Variants in UBLCP1 observed in about 807,000 individuals in gnomAD.
UBLCP1 encodes ubiquitin like domain containing CTD phosphatase 1.
UBLCP1 carries 28 observed loss-of-function variants against 42.4 expected under a neutral mutation model. The ratio of observed to expected loss-of-function variants is 0.66; its 90% CI spans 0.49 to 0.90. UBLCP1 has a LOEUF of 0.90. Among genes scored for constraint, UBLCP1 ranks in the 40% least tolerant of loss-of-function variants. The pLI, the probability that UBLCP1 is intolerant of heterozygous loss-of-function variation, is 0.00. For missense variants in UBLCP1, 279 were observed against 374.5 expected (o/e 0.75, Z 2.10); for synonymous variants, 122 against 120.8 (o/e 1.01, Z -0.07).
chr5:159,275,161 G>C lies in UBLCP1; in HGVS notation c.599G>C (p.Ser200Thr). ...TTGTGTTTATAGGAGCTGGGAGTGA[G>C]CACAAATGCAAATTATAAGATTACT... ...IEAKMKELGVSTNANYKITFM... is the reference protein window; with the variant it reads ...IEAKMKELGVTTNANYKITFM... The change falls in exon 8 of 11, where the codon AGC (serine) becomes ACC (threonine). Residue 200 changes from serine (S) to threonine (T), a missense_variant. Ser to Thr is a moderately conservative substitution (Grantham distance 58). Coordinates refer to ENST00000296786, the MANE Select transcript of UBLCP1 (RefSeq NM_145049.5). 1 of 1,613,008 alleles carries C rather than the reference G, an allele frequency of 6.2e-7. No individual in the cohort carries two copies. Among genetic ancestry groups the C allele is most frequent in the Non-Finnish European group, 8.5e-7 (1 of 1,179,612 alleles).
At chr5:159,284,766 A>G (rs1753649915) in intron 10 of UBLCP1, 138 bp from the exon 11 acceptor site, 2 of 829,624 alleles carry the variant, frequency 2.4e-6, no homozygotes, top group African/African-American at 3.4e-5. Flanking sequence ...GCACATAATC[A>G]GTAGATGTAA....
At chr5:159,283,033 GTTTGTAA>G (rs922832235) in intron 9 of UBLCP1, among the ~76,000 whole-genome samples, 172 bp from the exon 10 acceptor site, 72 of 151,920 alleles carry the variant, frequency 4.7e-4, no homozygotes, top group African/African-American at 1.6e-3. Flanking sequence ...AGGTAGAAGA[GTTTGTAA>G]TTTGTAAACA....
chr5:159,284,218 T>G (rs1292573261), intron 10 of UBLCP1, among the ~76,000 whole-genome samples: 1 of 152,182 alleles, frequency 6.6e-6, no homozygotes, highest in Non-Finnish European at 1.5e-5. Context: ...AGTAAATACT[T>G]AGTGCAGTGC....
At chr5:159,265,846 AT>A (rs533909450) in intron 1 of UBLCP1, among the ~76,000 whole-genome samples, 2 of 151,112 alleles carry the variant, frequency 1.3e-5, no homozygotes, top group Admixed American at 1.3e-4. Context: ...CCTCTGGCTA[AT>A]TTTTTTTTGT....
At chr5:159,266,550 GA>G (rs1753394112) in intron 1 of UBLCP1, among the ~76,000 whole-genome samples, 1 of 152,256 alleles carries the variant, frequency 6.6e-6, no homozygotes, top group Non-Finnish European at 1.5e-5. Context: ...GCTGGCTGCA[GA>G]AATCTGCGTA....
At chr5:159,263,564 T>G (rs1394089486) in intron 1 of UBLCP1, among the ~76,000 whole-genome samples, 1 of 152,244 alleles carries the variant, frequency 6.6e-6, no homozygotes, top group African/African-American at 2.4e-5. Flanking sequence ...CTAGCCTATT[T>G]GGAGGGCTTT....
At position 159,285,418 on chromosome 5, in the gene UBLCP1, T is replaced by C. The variant is rs1753666190; in HGVS notation, c.*487T>C. 6.5e-6 allele frequency: 1 copy of C among 152,770 alleles called. No homozygotes were observed. The highest frequency in any genetic ancestry group is 1.5e-5 in the Non-Finnish European group (1 of 68,468). The allele number at this position is 152,770 out of a possible 1,614,324, so 9.5% of individuals were successfully genotyped here. On this transcript the variant is annotated 3_prime_UTR_variant, in exon 11 of 11. Coordinates refer to ENST00000296786, the MANE Select transcript of UBLCP1 (RefSeq NM_145049.5). ...CAAAAAAAAAAACAAAAAAAAACTT[T>C]TTAATTAAAGAACCTAGTTTGCTAT...
chr5:159,274,068 G>C (rs1753504980), intron 6 of UBLCP1, among the ~76,000 whole-genome samples: 1 of 152,130 alleles, frequency 6.6e-6, no homozygotes, highest in Admixed American at 6.5e-5. Flanking sequence ...TTTCTTGTTA[G>C]AAGCTGCTAG....
At chr5:159,278,168 A>C in intron 8 of UBLCP1, 70 bp from the exon 9 acceptor site, 2 of 1,058,640 alleles carry the variant, frequency 1.9e-6, no homozygotes, top group Non-Finnish European at 2.9e-6. Context: ...GGCAGTTTGC[A>C]GTATTCCTGC....
chr5:159,278,561 ATTTG>A (rs1341090043), intron 9 of UBLCP1, among the ~76,000 whole-genome samples: 84 of 152,066 alleles, frequency 5.5e-4, no homozygotes, highest in African/African-American at 1.9e-3. Context: ...TCATCCAAGT[ATTTG>A]TTTGTTTATT....
intron 1 of UBLCP1, among the ~76,000 whole-genome samples, chr5:159,264,155 A>C (rs1441588463): frequency 6.6e-6 from 1 of 152,228 alleles, no homozygotes; most frequent in Non-Finnish European, 1.5e-5. Flanking sequence ...TGAGGCCAAG[A>C]GGTGGATTGA....
chr5:159,274,786 G>C (rs1174669727), intron 7 of UBLCP1, among the ~76,000 whole-genome samples, 164 bp downstream of exon 7: 1 of 152,138 alleles, frequency 6.6e-6, no homozygotes, highest in Non-Finnish European at 1.5e-5. Flanking sequence ...TTAATAAGTG[G>C]ATTGTACTGA....
At chr5:159,275,279 C>G in intron 8 of UBLCP1, 33 bp downstream of exon 8, 1 of 1,538,200 alleles carries the variant, frequency 6.5e-7, no homozygotes, top group Non-Finnish European at 9.0e-7. Context: ...TTTAATGACA[C>G]CATGGTTATT....
intron 7 of UBLCP1, 37 bp from the exon 8 acceptor site, chr5:159,275,111 T>A (rs1460256905): frequency 1.3e-6 from 2 of 1,573,600 alleles, no homozygotes; most frequent in East Asian, 4.5e-5. Flanking sequence ...TTTTCCACAC[T>A]ACTATGTTTT....
At position 159,274,631 on chromosome 5, in the gene UBLCP1, T is replaced by C. The variant is rs1753511514; in HGVS notation, c.585+9T>C. The C allele has an allele frequency of 1.2e-6, 2 of 1,606,564 alleles. No individual in the cohort carries two copies. Among genetic ancestry groups the C allele is most frequent in the Non-Finnish European group, 8.5e-7 (1 of 1,176,044 alleles). ...TTGAAGCTAAAATGAAAGTAAGTGT[T>C]AGAAAGCAATCCATTTAAAAATATT... is the stretch of plus-strand genomic sequence containing the variant. On this transcript the variant is annotated intron_variant, in intron 7 of 10. Transcript: ENST00000296786.
intron 8 of UBLCP1, 162 bp downstream of exon 8, chr5:159,275,408 T>A: frequency 3.1e-6 from 1 of 326,064 alleles, no homozygotes; most frequent in Non-Finnish European, 5.3e-6. Context: ...AAAAGATTTT[T>A]TTTTTTTTTT....
At chr5:159,270,862 T>TATATATATAAAA (rs1562098886) in intron 5 of UBLCP1, among the ~76,000 whole-genome samples, 6 of 149,508 alleles carry the variant, frequency 4.0e-5, no homozygotes, top group South Asian at 2.1e-4. Context: ...CTTAGTAATT[T>TATATATATAAAA]GATATATATC....
At chr5:159,268,311 C>CT (rs1436869853) in intron 1 of UBLCP1, among the ~76,000 whole-genome samples, 3 of 152,202 alleles carry the variant, frequency 2.0e-5, no homozygotes, top group African/African-American at 7.2e-5. Context: ...GTGCCAGGCA[C>CT]TATGTACCTT....
chr5:159,282,040 A>G (rs1046942698), intron 9 of UBLCP1, among the ~76,000 whole-genome samples: 3 of 152,162 alleles, frequency 2.0e-5, no homozygotes, highest in Non-Finnish European at 4.4e-5. Flanking sequence ...AAACAGAACT[A>G]TATAAAATTG....
Sources: allele counts gnomAD v4.1 joint callset (sites outside exome capture counted in the v4.1 genomes callset), GRCh38; gene constraint gnomAD v4.1.1; transcripts MANE v1.5; gene names NCBI Gene and HGNC (gene_info 2026-07-23, HGNC 2026-07-21).